SEPTIN3: variants seen among roughly 807,000 people sequenced by gnomAD.
The protein encoded by SEPTIN3 is septin 3.
A neutral mutation model predicts 45.1 loss-of-function variants in SEPTIN3; 15 were observed. The observed-to-expected ratio is 0.33, with a 90% CI of 0.22 to 0.51. The LOEUF is 0.51. SEPTIN3 is among the 20% of genes least tolerant of loss of function. The pLI is 0.97. For synonymous variants in SEPTIN3, 148 were observed against 164.8 expected, an observed-to-expected ratio of 0.90 and a Z score of 0.78; for missense variants, 289 against 457.2, an observed-to-expected ratio of 0.63 and a Z score of 3.35.
intron 1 of SEPTIN3, among the ~76,000 whole-genome samples, chr22:41,970,240 AG>A (rs1201196243): frequency 1.3e-5 from 2 of 152,032 alleles, no homozygotes; most frequent in African/African-American, 2.4e-5. Context: ...CTAGAGGGTG[AG>A]TTACTTGGAG....
chr22:41,996,720 T>C, intron 11 of SEPTIN3, 182 bp from the exon 12 acceptor site: 3 of 1,488,318 alleles, frequency 2.0e-6, no homozygotes, highest in Non-Finnish European at 2.7e-6. Flanking sequence ...CAGTCCTGTA[T>C]GGAGACCTTG....
chr22:41,988,233 G>GCATTGTGGAGGTACCA (rs2078242603), intron 6 of SEPTIN3, among the ~76,000 whole-genome samples: 1 of 152,130 alleles, frequency 6.6e-6, no homozygotes, highest in Non-Finnish European at 1.5e-5. Context: ...CCTGGAGTGA[G>GCATTGTGGAGGTACCA]GCATTGTGTG....
intron 9 of SEPTIN3, among the ~76,000 whole-genome samples, chr22:41,993,328 ATTT>A (rs113676576): frequency 6.9e-6 from 1 of 145,574 alleles, no homozygotes; most frequent in East Asian, 2.0e-4. Context: ...TCAGACTCAG[ATTT>A]TTTTTTTTTT....
At chr22:41,973,259 T>C (rs1255256694) in intron 2 of SEPTIN3, among the ~76,000 whole-genome samples, 2 of 152,054 alleles carry the variant, frequency 1.3e-5, no homozygotes, top group Non-Finnish European at 2.9e-5. Context: ...TGGTGGCTCA[T>C]ACCTGTAATC....
intron 6 of SEPTIN3, 78 bp from the exon 7 acceptor site, chr22:41,989,489 G>C (rs2146711124): frequency 1.1e-6 from 1 of 900,236 alleles, no homozygotes; most frequent in East Asian, 2.4e-5. Flanking sequence ...TTCTCCTGTG[G>C]GTGTCCTGGA....
chr22:41,989,663 G>A lies in SEPTIN3; in HGVS notation c.2142G>A (p.Glu714=), dbSNP rs989515641. Residue 714 remains glutamate, a synonymous_variant, in exon 7 of 12, where the codon GAG becomes GAA. Coordinates refer to ENST00000644076, the MANE Select transcript of SEPTIN3 (RefSeq NM_001363845.2). ...IAKADTMTLE[E]KSEFKQRVRK... The stretch of plus-strand genomic sequence containing the variant: ...AGGCTGACACCATGACCCTGGAGGA[G>A]AAGTCTGAATTCAAGCAAAGGGTGA... The A allele has an allele frequency of 6.2e-7, 1 of 1,612,810 alleles. No individual in the cohort carries two copies. Among genetic ancestry groups the A allele is most frequent in the Non-Finnish European group, 8.5e-7 (1 of 1,178,852 alleles).
At chr22:41,991,058 G>A (rs796448042) in intron 7 of SEPTIN3, among the ~76,000 whole-genome samples, 8 of 151,972 alleles carry the variant, frequency 5.3e-5, no homozygotes, top group South Asian at 2.1e-4. Context: ...AGCAAGACTC[G>A]GTCTCAAACA....
chr22:41,995,514 C>T, intron 11 of SEPTIN3: 15 of 985,538 alleles, frequency 1.5e-5, no homozygotes, highest in Non-Finnish European at 1.8e-5. Flanking sequence ...CCTTTCCCTC[C>T]TTCCCTCATA....
intron 3 of SEPTIN3, 129 bp from the exon 4 acceptor site, chr22:41,985,855 C>A (rs925336519): frequency 3.4e-6 from 4 of 1,161,358 alleles, no homozygotes; most frequent in East Asian, 2.9e-5. Context: ...GCCTGGCCAT[C>A]CCCCAGTGAG....
chr22:41,997,109 C>CT lies in SEPTIN3; in HGVS notation c.*145dup. The CT allele has an allele frequency of 6.8e-7, 1 of 1,472,410 alleles. No individual in the cohort carries two copies. Among genetic ancestry groups the CT allele is most frequent in the Non-Finnish European group, 9.1e-7 (1 of 1,099,584 alleles). The allele number at this position is 1,472,410 out of a possible 1,614,324, so 91.2% of individuals were successfully genotyped here. The stretch of plus-strand genomic sequence containing the variant: ...AGTAGGTGGGAGGGGCCAGCTGCCT[C>CT]TTTAGGCCAGTTGCATCCTCCATTT... On this transcript the variant is annotated 3_prime_UTR_variant, in exon 12 of 12. Coordinates refer to ENST00000644076, the MANE Select transcript of SEPTIN3 (RefSeq NM_001363845.2).
At chr22:41,989,126 CAAAAAAAAA>C (rs71184854) in intron 6 of SEPTIN3, among the ~76,000 whole-genome samples, 1 of 88,596 alleles carries the variant, frequency 1.1e-5, no homozygotes, top group Non-Finnish European at 2.0e-5. Context: ...GACCCTGTCT[CAAAAAAAAA>C]AAAAAAAAAA....
intron 11 of SEPTIN3, chr22:41,996,670 T>C (rs930478440): frequency 3.0e-5 from 42 of 1,390,164 alleles, no homozygotes; most frequent in Non-Finnish European, 3.7e-5. Context: ...CCAGAGGTTA[T>C]ACATTTCAAC....
intron 9 of SEPTIN3, among the ~76,000 whole-genome samples, chr22:41,993,641 C>T (rs1185167080): frequency 1.3e-5 from 2 of 152,084 alleles, no homozygotes; most frequent in African/African-American, 4.8e-5. Context: ...CAGATGTGAA[C>T]CACCATGCCT....
intron 1 of SEPTIN3, among the ~76,000 whole-genome samples, chr22:41,971,139 A>G (rs1406627936): frequency 6.6e-6 from 1 of 152,166 alleles, no homozygotes; most frequent in Non-Finnish European, 1.5e-5. Context: ...CCACAGAGAC[A>G]GGGGCCACAC....
chr22:41,990,079 C>T (rs939319622), intron 7 of SEPTIN3, among the ~76,000 whole-genome samples: 4 of 150,336 alleles, frequency 2.7e-5, no homozygotes, highest in African/African-American at 9.8e-5. Context: ...CTCTCTCTGT[C>T]GCCCAGGCTG....
At chr22:41,970,536 G>T (rs1048244513) in intron 1 of SEPTIN3, among the ~76,000 whole-genome samples, 11 of 152,212 alleles carry the variant, frequency 7.2e-5, no homozygotes, top group African/African-American at 2.6e-4. Context: ...ATCGGAATGG[G>T]TCACATTCCC....
In SEPTIN3 at chr22:41,994,378, T is replaced by C. The variant is rs1467018854; in HGVS notation, c.2411+37T>C. Reference sequence around the variant, plus strand: ...CCCCTCCAGCTGTCCAGACAGCAGGTTGAATTATTTGGGGTCAGGGTCTAT... The same window carrying C: ...CCCCTCCAGCTGTCCAGACAGCAGGCTGAATTATTTGGGGTCAGGGTCTAT... On this transcript the variant is annotated intron_variant, in intron 10 of 11. Transcript: ENST00000644076. This position sits in a 1 kb window ranked among gnomAD's most constrained non-coding sequence, Gnocchi z 4.2. 4.4e-6 allele frequency: 7 copies of C among 1,603,606 alleles called. No individual in the cohort carries two copies. In the South Asian group the frequency reaches 6.6e-5, roughly 15 times the overall value.
chr22:41,970,491 T>A (rs927757428), intron 1 of SEPTIN3, among the ~76,000 whole-genome samples: 1 of 152,214 alleles, frequency 6.6e-6, no homozygotes, highest in Non-Finnish European at 1.5e-5. Flanking sequence ...CTGATCCCTC[T>A]GTCACACTGC....
chr22:41,993,594 GATCCA>G (rs1368253991), intron 9 of SEPTIN3, among the ~76,000 whole-genome samples: 6 of 152,172 alleles, frequency 3.9e-5, no homozygotes, highest in Admixed American at 1.3e-4. Flanking sequence ...GACCTCAGGT[GATCCA>G]TTTGCCTTGG....
Sources: gnomAD v4.1 joint callset for allele counts (sites outside exome capture counted in the v4.1 genomes callset) on GRCh38, gnomAD v4.1.1 for gene constraint, Gnocchi (gnomAD v3.1) non-coding constraint, MANE v1.5 for transcripts, NCBI Gene and HGNC (gene_info 2026-07-23, HGNC 2026-07-21) for gene names.